Variants in WDR49 observed in about 807,000 individuals in gnomAD.
WDR49 encodes WD repeat domain 49, also known as cilia- and flagella-associated protein 337.
A neutral mutation model predicts 119.5 loss-of-function variants in WDR49; 107 were observed. That is an observed-to-expected ratio of 0.90 (90% confidence interval 0.77 to 1.05). The LOEUF (loss-of-function observed/expected upper bound fraction) is 1.05, where lower values mean the gene tolerates loss of function less well. WDR49 is among the 50% of genes least tolerant of loss of function. WDR49 has a pLI of 0.00. For synonymous variants in WDR49, 425 were observed against 418.8 expected (o/e 1.01, Z -0.18); for missense variants, 1,240 against 1,220.5 (o/e 1.02, Z -0.24).
intron 18 of WDR49, among the ~76,000 whole-genome samples, chr3:167,488,240 C>G (rs907517392): frequency 6.6e-6 from 1 of 151,154 alleles, no homozygotes; most frequent in Non-Finnish European, 1.5e-5. Context: ...ATGTCTTTTG[C>G]AGCAATACTG....
intron 18 of WDR49, among the ~76,000 whole-genome samples, chr3:167,481,869 A>G (rs947683404): frequency 3.3e-5 from 5 of 152,228 alleles, no homozygotes; most frequent in African/African-American, 1.2e-4. Context: ...CTCCCACAGC[A>G]CATGGGAATT....
chr3:167,589,820 T>C (rs2108295202), intron 7 of WDR49, among the ~76,000 whole-genome samples: 1 of 152,218 alleles, frequency 6.6e-6, no homozygotes. Flanking sequence ...TGTTCTTTGG[T>C]GGAGTGGTTT....
At chr3:167,580,063 A>G (rs190753093) in intron 7 of WDR49, among the ~76,000 whole-genome samples, 8 of 152,334 alleles carry the variant, frequency 5.3e-5, no homozygotes, top group Admixed American at 2.0e-4. Context: ...CATAAATTAT[A>G]TGATAAATTA....
intron 8 of WDR49, among the ~76,000 whole-genome samples, chr3:167,564,907 A>G (rs933443487): frequency 1.4e-5 from 2 of 148,120 alleles, no homozygotes; most frequent in Non-Finnish European, 3.0e-5. Context: ...TGGGTCTAAG[A>G]AAAAAAAAAC....
At chr3:167,502,800 T>G (rs1751625342) in intron 17 of WDR49, among the ~76,000 whole-genome samples, 1 of 151,974 alleles carries the variant, frequency 6.6e-6, no homozygotes, top group East Asian at 1.9e-4. Context: ...GAGCAAGAAA[T>G]AAAGGTGGAA....
intron 9 of WDR49, among the ~76,000 whole-genome samples, chr3:167,557,245 C>T (rs1712988130): frequency 6.6e-6 from 1 of 152,080 alleles, no homozygotes; most frequent in Middle Eastern, 3.4e-3. Flanking sequence ...AAAAATTTAG[C>T]TTCTAGAAAG....
chr3:167,566,651 CA>C (rs1713617126), intron 8 of WDR49, among the ~76,000 whole-genome samples: 4 of 152,042 alleles, frequency 2.6e-5, no homozygotes, highest in Admixed American at 6.6e-5. Flanking sequence ...ATGTCGATCC[CA>C]AAAAAACTTA....
chr3:167,610,347 G>A (rs1577275258), intron 5 of WDR49, among the ~76,000 whole-genome samples: 2 of 152,176 alleles, frequency 1.3e-5, no homozygotes, highest in African/African-American at 2.4e-5. Flanking sequence ...CAGCACTGAC[G>A]ACAAGCTGAC....
Position 167,561,665 on chromosome 3 carries a change from G to A in WDR49, c.1510-1437C>T, listed in dbSNP as rs1560286732. Among the ~76,000 whole-genome samples, 4 of 152,200 alleles carry A rather than the reference G, an allele frequency of 2.6e-5. No homozygotes were observed. The South Asian group carries it at 8.3e-4, about 32-fold the overall frequency. On this transcript the variant is annotated intron_variant, in intron 8 of 18. Transcript: ENST00000682715. The stretch of plus-strand genomic sequence containing the variant: ...TCACAAAGGAGGTGATAACTGGTCT[G>A]GAATTGAAGATGGAGACATGTATTT...
Position 167,500,268 on chromosome 3 carries a change from C to T in WDR49, c.2916G>A (p.Leu972=). The change falls in exon 18 of 19, where the codon CTG becomes CTA. Residue 972 remains leucine (L), a synonymous_variant. Transcript: ENST00000682715. ...STFRSLNIGA[L]EELPEVNKPA... ...GTTTATTCACTTCAGGCAGCTCTTC[C>T]AGGGCTCCAATGTTTAATGACCTAA... is the stretch of plus-strand genomic sequence containing the variant. The T allele has an allele frequency of 6.2e-7, 1 of 1,605,660 alleles. No individual in the cohort carries two copies. Among genetic ancestry groups the T allele is most frequent in the Non-Finnish European group, 8.5e-7 (1 of 1,177,396 alleles).
At chr3:167,596,362 A>T (rs1176024768) in intron 7 of WDR49, among the ~76,000 whole-genome samples, 1 of 149,666 alleles carries the variant, frequency 6.7e-6, no homozygotes, top group Non-Finnish European at 1.5e-5. Flanking sequence ...CAGCCATCCC[A>T]TTACTGGGTA....
chr3:167,550,544 T>C (rs1273305580), intron 10 of WDR49, among the ~76,000 whole-genome samples: 2 of 152,032 alleles, frequency 1.3e-5, no homozygotes, highest in African/African-American at 4.8e-5. Flanking sequence ...CATAAACAAA[T>C]TTCTCACAAA....
intron 10 of WDR49, among the ~76,000 whole-genome samples, chr3:167,547,718 G>C (rs902204105): frequency 3.4e-5 from 5 of 148,792 alleles, no homozygotes; most frequent in Non-Finnish European, 7.4e-5. Context: ...AGATATAAAA[G>C]GCTAATTATA....
chr3:167,608,303 A>C (rs1716160852), intron 5 of WDR49, among the ~76,000 whole-genome samples: 1 of 152,204 alleles, frequency 6.6e-6, no homozygotes, highest in Admixed American at 6.5e-5. Flanking sequence ...CCCATAATAT[A>C]ATTACAATAC....
intron 18 of WDR49, among the ~76,000 whole-genome samples, chr3:167,492,432 A>C (rs186590661): frequency 6.6e-6 from 1 of 152,102 alleles, no homozygotes; most frequent in African/African-American, 2.4e-5. Context: ...ACTTAGGTCA[A>C]TTATTTAAAT....
chr3:167,554,356 T>C (rs1269499147), intron 10 of WDR49, among the ~76,000 whole-genome samples: 1 of 152,148 alleles, frequency 6.6e-6, no homozygotes, highest in Non-Finnish European at 1.5e-5. Context: ...AGTTAAGAAT[T>C]GATTGACTAT....
chr3:167,584,951 T>G (rs974211465), intron 7 of WDR49, among the ~76,000 whole-genome samples: 2 of 152,130 alleles, frequency 1.3e-5, no homozygotes, highest in African/African-American at 4.8e-5. Flanking sequence ...CGTAATAGCT[T>G]AACATTTTTT....
At chr3:167,635,502 G>T (rs1201102445) in intron 2 of WDR49, among the ~76,000 whole-genome samples, 8 of 151,548 alleles carry the variant, frequency 5.3e-5, no homozygotes, top group Non-Finnish European at 8.9e-5. Context: ...TTATATTTTT[G>T]TGCCCTCTTT....
chr3:167,536,684 T>TAC (rs1366392110), intron 11 of WDR49, among the ~76,000 whole-genome samples, 186 bp downstream of exon 11: 4 of 119,504 alleles, frequency 3.3e-5, no homozygotes, highest in South Asian at 2.6e-4. Flanking sequence ...CATCTCAAAA[T>TAC]ACATATATAT....
Sources: gnomAD v4.1 joint callset for allele counts (sites outside exome capture counted in the v4.1 genomes callset) on GRCh38, gnomAD v4.1.1 for gene constraint, MANE v1.5 for transcripts, NCBI Gene and HGNC (gene_info 2026-07-23, HGNC 2026-07-21) for gene names.